Variants in ARID1B observed in about 807,000 individuals in gnomAD.
ARID1B encodes the protein AT-rich interaction domain 1B, also known as AT-rich interactive domain-containing protein 1B.
A neutral mutation model predicts 212.3 loss-of-function variants in ARID1B; 30 were observed. The ratio of observed to expected loss-of-function variants is 0.14; its 90% confidence interval spans 0.11 to 0.19. ARID1B has a LOEUF of 0.19. Among genes scored for constraint, ARID1B ranks in the 10% least tolerant of loss-of-function variants. ARID1B has a pLI of 1.00. For synonymous variants in ARID1B, 1,402 were observed against 1,301.7 expected (o/e 1.08, Z -1.66); for missense variants, 2,891 against 3,204.0 (o/e 0.90, Z 2.36).
chr6:156,909,123 CTTTTTT>C (rs60183999), intron 3 of ARID1B, among the ~76,000 whole-genome samples: 4 of 108,824 alleles, frequency 3.7e-5, no homozygotes, highest in East Asian at 5.1e-4. Flanking sequence ...TTTTCTTTCT[CTTTTTT>C]TTTTTTTTTT....
chr6:156,987,467 A>C (rs1439014395), intron 4 of ARID1B, among the ~76,000 whole-genome samples: 1 of 151,998 alleles, frequency 6.6e-6, no homozygotes, highest in Non-Finnish European at 1.5e-5. Flanking sequence ...AGTAGCTGAG[A>C]CTACAGGCGC....
At chr6:156,782,246 G>T (rs1779333976) in intron 1 of ARID1B, among the ~76,000 whole-genome samples, 1 of 151,868 alleles carries the variant, frequency 6.6e-6, no homozygotes, top group Non-Finnish European at 1.5e-5. Flanking sequence ...GTTAAATGAT[G>T]AAATATTTTG....
chr6:157,091,855 C>A (rs1785303056), intron 5 of ARID1B, among the ~76,000 whole-genome samples: 1 of 152,054 alleles, frequency 6.6e-6, no homozygotes, highest in Non-Finnish European at 1.5e-5. Context: ...AGCAGTAGAC[C>A]CTCTAAAATG....
intron 2 of ARID1B, among the ~76,000 whole-genome samples, chr6:156,841,926 TG>T (rs1466838975): frequency 6.6e-6 from 1 of 152,218 alleles, no homozygotes; most frequent in Non-Finnish European, 1.5e-5. Context: ...TTTATGATTC[TG>T]GTAAAGCTGG....
intron 4 of ARID1B, among the ~76,000 whole-genome samples, chr6:157,042,955 A>G (rs1781987816): frequency 2.0e-5 from 3 of 152,116 alleles, no homozygotes; most frequent in Admixed American, 2.0e-4. Flanking sequence ...GCCACCGCAC[A>G]AAGGCTACAC....
chr6:156,943,658 A>G (rs1269987057), intron 4 of ARID1B: 1 of 152,202 alleles, frequency 6.6e-6, no homozygotes, highest in Non-Finnish European at 1.5e-5. Flanking sequence ...ATCTGTGCAT[A>G]TGGTACGTGT....
chr6:156,904,133 T>C (rs1262720559), intron 3 of ARID1B, among the ~76,000 whole-genome samples: 1 of 152,210 alleles, frequency 6.6e-6, no homozygotes, highest in Non-Finnish European at 1.5e-5. Context: ...GTTTATTGTA[T>C]GTTTTTCTAG....
chr6:157,175,762 C>G (rs1051759914), intron 11 of ARID1B: 2 of 151,470 alleles, frequency 1.3e-5, no homozygotes, highest in Non-Finnish European at 1.5e-5. Flanking sequence ...TAGAAGTGGG[C>G]CTTTAGTTTC....
intron 2 of ARID1B, among the ~76,000 whole-genome samples, chr6:156,879,320 C>T (rs1304974896): frequency 1.3e-5 from 2 of 152,218 alleles, no homozygotes; most frequent in Admixed American, 6.5e-5. Context: ...TGTGCTTTGG[C>T]GTTGGCCTGA....
chr6:157,141,166 G>C (rs1437849173), intron 7 of ARID1B: 1 of 152,574 alleles, frequency 6.6e-6, no homozygotes, highest in Non-Finnish European at 1.5e-5. Flanking sequence ...TATTATCCTT[G>C]TGGAGTGAGA....
chr6:157,142,875 T>C (rs1348500172), intron 7 of ARID1B, among the ~76,000 whole-genome samples: 1 of 152,180 alleles, frequency 6.6e-6, no homozygotes, highest in African/African-American at 2.4e-5. Context: ...ACCTTGCCCA[T>C]AGTAGTTGTT....
intron 4 of ARID1B, among the ~76,000 whole-genome samples, chr6:156,971,857 G>T (rs1218019083): frequency 6.6e-6 from 1 of 152,060 alleles, no homozygotes; most frequent in African/African-American, 2.4e-5. Flanking sequence ...ACTAATTAGG[G>T]GCCTTAATTA....
intron 11 of ARID1B, among the ~76,000 whole-genome samples, chr6:157,178,070 C>A (rs752850057): frequency 1.9e-4 from 29 of 152,290 alleles, no homozygotes; most frequent in Non-Finnish European, 3.7e-4. Flanking sequence ...GTATGCGAAC[C>A]ATAAGCTGGG....
At chr6:157,079,688 G>T (rs1458107098) in intron 4 of ARID1B, among the ~76,000 whole-genome samples, 1 of 152,136 alleles carries the variant, frequency 6.6e-6, no homozygotes, top group African/African-American at 2.4e-5. Flanking sequence ...AGAAATATTT[G>T]CATGTGCTGG....
intron 7 of ARID1B, chr6:157,141,358 T>C (rs1196462217): frequency 4.6e-5 from 7 of 152,374 alleles, no homozygotes; most frequent in African/African-American, 1.7e-4. Context: ...TTTTACACAC[T>C]TTGTGTAATA....
chr6:157,088,395 A>G (rs1443147107), intron 5 of ARID1B, among the ~76,000 whole-genome samples: 1 of 152,172 alleles, frequency 6.6e-6, no homozygotes, highest in Non-Finnish European at 1.5e-5. Context: ...AACATTTTAT[A>G]TGCAGCTATT....
chr6:157,181,832 T>C (rs1792562595), intron 12 of ARID1B, among the ~76,000 whole-genome samples: 1 of 152,184 alleles, frequency 6.6e-6, no homozygotes, highest in South Asian at 2.1e-4. Context: ...ATCAGGAGTC[T>C]AGTTGTAGGA....
chr6:156,986,508 G>A (rs1466015884), intron 4 of ARID1B, among the ~76,000 whole-genome samples: 1 of 152,172 alleles, frequency 6.6e-6, no homozygotes, highest in Non-Finnish European at 1.5e-5. Flanking sequence ...GTTTGAATCT[G>A]GCTCTGTCAC....
At chr6:157,168,036 A>G (rs1047872785) in intron 9 of ARID1B, 4 of 152,210 alleles carry the variant, frequency 2.6e-5, no homozygotes, top group African/African-American at 7.2e-5. Flanking sequence ...GTATCCCGTG[A>G]TGCCCCGTGA....
Sources: gnomAD v4.1 joint callset for allele counts (sites outside exome capture counted in the v4.1 genomes callset) on GRCh38, gnomAD v4.1.1 for gene constraint, MANE v1.5 for transcripts, NCBI Gene and HGNC (gene_info 2026-07-23, HGNC 2026-07-21) for gene names.